Variants in GPHN observed in about 807,000 individuals in gnomAD.
GPHN encodes gephyrin.
Under a neutral mutation model 95.5 loss-of-function variants are expected in GPHN, and 17 were observed. The observed-to-expected ratio is 0.18, with a 90% CI of 0.12 to 0.27. The LOEUF is 0.27. Ranked by LOEUF, GPHN falls within the 10% of genes least tolerant of loss-of-function variation. The pLI is 1.00. For synonymous variants in GPHN, 320 were observed against 322.5 expected, an observed-to-expected ratio of 0.99 and a Z score of 0.08; for missense variants, 660 against 978.1, an observed-to-expected ratio of 0.67 and a Z score of 4.34.
At chr14:67,588,744 C>G in the GPHN span, 3 of 152,536 alleles carry the variant, frequency 2.0e-5, no homozygotes, top group Non-Finnish European at 4.4e-5. Context: ...TTAGCAGTAG[C>G]ACCCAAAACC....
chr14:67,080,251 T>C (rs1425251801), intron 11 of GPHN, among the ~76,000 whole-genome samples: 1 of 152,024 alleles, frequency 6.6e-6, no homozygotes, highest in African/African-American at 2.4e-5. Flanking sequence ...TTTTTCATTT[T>C]AAATTCATGT....
chr14:67,373,550 T>C, the GPHN span, among the ~76,000 whole-genome samples: 1 of 152,200 alleles, frequency 6.6e-6, no homozygotes, highest in Non-Finnish European at 1.5e-5. Context: ...TCCTCCAGTA[T>C]TGAGAACAAG....
the GPHN span, among the ~76,000 whole-genome samples, chr14:67,462,652 A>C: frequency 6.6e-6 from 1 of 152,340 alleles, no homozygotes; most frequent in South Asian, 2.1e-4. Flanking sequence ...CCAACAAAGA[A>C]ATTTACTGGA....
intron 4 of GPHN, among the ~76,000 whole-genome samples, chr14:66,825,475 GAATC>G (rs761517627): frequency 3.9e-5 from 6 of 152,000 alleles, no homozygotes; most frequent in Non-Finnish European, 7.4e-5. Context: ...GCCTGCATCA[GAATC>G]AATCAGAGGA....
At chr14:67,424,979 C>G in the GPHN span, among the ~76,000 whole-genome samples, 13 of 152,306 alleles carry the variant, frequency 8.5e-5, no homozygotes, top group Admixed American at 5.9e-4. Flanking sequence ...TCTCAGTCCC[C>G]TTTGGATAGG....
At chr14:66,612,978 A>C (rs1197711124) in intron 1 of GPHN, among the ~76,000 whole-genome samples, 1 of 151,944 alleles carries the variant, frequency 6.6e-6, no homozygotes, top group Non-Finnish European at 1.5e-5. Flanking sequence ...TTCAGTTTTT[A>C]GCTATTATGA....
intron 1 of GPHN, among the ~76,000 whole-genome samples, chr14:66,592,219 A>G (rs879000275): frequency 1.3e-5 from 2 of 152,196 alleles, no homozygotes; most frequent in African/African-American, 2.4e-5. Flanking sequence ...AACCTAGGCA[A>G]TACCATTCAG....
At chr14:66,947,646 C>G (rs2067843308) in intron 8 of GPHN, among the ~76,000 whole-genome samples, 1 of 152,138 alleles carries the variant, frequency 6.6e-6, no homozygotes, top group Non-Finnish European at 1.5e-5. Context: ...TATATTTCGC[C>G]ATACCCATGA....
At chr14:67,590,711 G>A in the GPHN span, among the ~76,000 whole-genome samples, 1 of 152,192 alleles carries the variant, frequency 6.6e-6, no homozygotes, top group Non-Finnish European at 1.5e-5. Flanking sequence ...TGACACAGCA[G>A]TGAGCTCATG....
intron 1 of GPHN, among the ~76,000 whole-genome samples, chr14:66,538,712 T>A (rs960352039): frequency 6.6e-6 from 1 of 151,782 alleles, no homozygotes; most frequent in Non-Finnish European, 1.5e-5. Flanking sequence ...AAAGCCATTG[T>A]CTCCTAACTC....
intron 9 of GPHN, among the ~76,000 whole-genome samples, chr14:67,006,160 A>G (rs2072594383): frequency 6.6e-6 from 1 of 152,080 alleles, no homozygotes; most frequent in Non-Finnish European, 1.5e-5. Flanking sequence ...AGCTTGTAGA[A>G]CAAAGGTGAA....
chr14:66,759,653 G>A (rs560264903), intron 2 of GPHN, among the ~76,000 whole-genome samples: 2 of 152,262 alleles, frequency 1.3e-5, no homozygotes, highest in South Asian at 4.1e-4. Context: ...ATAGCAGAGG[G>A]ATGAATCTGG....
the GPHN span, among the ~76,000 whole-genome samples, chr14:67,643,718 G>C: frequency 6.6e-6 from 1 of 152,104 alleles, no homozygotes; most frequent in Admixed American, 6.6e-5. Flanking sequence ...CCAGGAAATA[G>C]AGCTGGGATT....
At chr14:67,327,507 T>C in the GPHN span, among the ~76,000 whole-genome samples, 4 of 152,090 alleles carry the variant, frequency 2.6e-5, no homozygotes, top group South Asian at 6.2e-4. Flanking sequence ...TTTTTTATTA[T>C]ACTTTAAGTT....
chr14:67,366,335 G>A, the GPHN span, among the ~76,000 whole-genome samples: 3 of 152,262 alleles, frequency 2.0e-5, no homozygotes, highest in South Asian at 4.1e-4. Flanking sequence ...GCCTCACAAA[G>A]TACTGGGATT....
At chr14:66,914,577 AT>A (rs2065819639) in intron 5 of GPHN, among the ~76,000 whole-genome samples, 1 of 152,082 alleles carries the variant, frequency 6.6e-6, no homozygotes, top group South Asian at 2.1e-4. Flanking sequence ...AGTAATTGTT[AT>A]GGTAATATTT....
At chr14:66,948,967 T>C (rs999456065) in intron 8 of GPHN, among the ~76,000 whole-genome samples, 2 of 152,224 alleles carry the variant, frequency 1.3e-5, no homozygotes, top group African/African-American at 4.8e-5. Context: ...AATAAAACTT[T>C]GTAACATTTA....
chr14:66,670,229 G>A (rs1420480902), intron 1 of GPHN, among the ~76,000 whole-genome samples: 2 of 152,122 alleles, frequency 1.3e-5, no homozygotes, highest in Non-Finnish European at 2.9e-5. Context: ...TGGCTCCCTG[G>A]TAGGTCTCCA....
chr14:66,588,347 A>G (rs1246524656), intron 1 of GPHN, among the ~76,000 whole-genome samples: 1 of 152,168 alleles, frequency 6.6e-6, no homozygotes, highest in Non-Finnish European at 1.5e-5. Flanking sequence ...AAAGTATCAC[A>G]ACTCCTTGCC....
Sources: allele counts gnomAD v4.1 joint callset (sites outside exome capture counted in the v4.1 genomes callset), GRCh38; gene constraint gnomAD v4.1.1; transcripts MANE v1.5; gene names NCBI Gene and HGNC (gene_info 2026-07-23, HGNC 2026-07-21).